Variants in AHCYL2 observed in about 807,000 individuals in gnomAD.
The protein encoded by AHCYL2 is S-adenosylhomocysteine hydrolase-like protein 2.
Under a neutral mutation model 81.4 loss-of-function variants are expected in AHCYL2, and 28 were observed. That is an observed-to-expected ratio of 0.34 (90% CI 0.25 to 0.47). AHCYL2 has a LOEUF of 0.47. AHCYL2 is among the 20% of genes least tolerant of loss of function. AHCYL2 has a pLI of 1.00. For synonymous variants in AHCYL2, 272 were observed against 290.2 expected, an observed-to-expected ratio of 0.94 and a Z score of 0.64; for missense variants, 551 against 785.1, an observed-to-expected ratio of 0.70 and a Z score of 3.56.
intron 2 of AHCYL2, chr7:129,388,257 C>T (rs897813891): frequency 2.6e-5 from 4 of 152,138 alleles, no homozygotes; most frequent in Non-Finnish European, 5.9e-5. Context: ...TTAGTAACTA[C>T]AGAATCCTAT....
intron 1 of AHCYL2, among the ~76,000 whole-genome samples, chr7:129,288,128 A>C (rs1796703339): frequency 1.3e-5 from 2 of 152,186 alleles, no homozygotes; most frequent in Admixed American, 6.5e-5. Context: ...GTATGTTTGA[A>C]TCAGGATACA....
intron 1 of AHCYL2, among the ~76,000 whole-genome samples, chr7:129,287,530 T>C (rs931537906): frequency 2.6e-5 from 4 of 152,240 alleles, no homozygotes; most frequent in Non-Finnish European, 5.9e-5. Context: ...AAGTAGTTGT[T>C]GTTCAGTGTT....
chr7:129,311,315 A>G (rs1797649534), intron 1 of AHCYL2, among the ~76,000 whole-genome samples: 1 of 152,190 alleles, frequency 6.6e-6, no homozygotes, highest in Non-Finnish European at 1.5e-5. Flanking sequence ...TAAGAGACCT[A>G]TTAATATGGG....
intron 2 of AHCYL2, among the ~76,000 whole-genome samples, chr7:129,381,099 ACT>A (rs1205742435): frequency 2.0e-5 from 3 of 152,284 alleles, no homozygotes; most frequent in Admixed American, 2.0e-4. Context: ...GGTTAATGTA[ACT>A]CTGGAAACCA....
intron 4 of AHCYL2, 95 bp from the exon 5 acceptor site, chr7:129,397,127 C>T (rs1026384029): frequency 1.2e-5 from 13 of 1,046,032 alleles, no homozygotes; most frequent in African/African-American, 6.4e-5. Flanking sequence ...AAGTCATTCC[C>T]GTTGTATTTT....
intron 1 of AHCYL2, among the ~76,000 whole-genome samples, chr7:129,285,696 CTTTTT>C (rs71526096): frequency 1.1e-4 from 11 of 100,582 alleles, no homozygotes; most frequent in Non-Finnish European, 1.6e-4. Context: ...CTCTCTCTCT[CTTTTT>C]TTTTTTTTTT....
intron 1 of AHCYL2, among the ~76,000 whole-genome samples, chr7:129,339,736 G>A (rs1793095523): frequency 6.6e-6 from 1 of 151,444 alleles, no homozygotes; most frequent in Non-Finnish European, 1.5e-5. Flanking sequence ...TTGCTTTGTT[G>A]CCCAAGCTGG....
chr7:129,415,037 G>T (rs1796777372), intron 12 of AHCYL2, among the ~76,000 whole-genome samples: 1 of 152,008 alleles, frequency 6.6e-6, no homozygotes, highest in African/African-American at 2.4e-5. Context: ...TCTACCCTGG[G>T]GTGTCTGAGT....
intron 1 of AHCYL2, among the ~76,000 whole-genome samples, chr7:129,277,976 G>A (rs1470369241): frequency 1.3e-5 from 2 of 152,078 alleles, no homozygotes; most frequent in African/African-American, 2.4e-5. Context: ...ATAAGTGTAC[G>A]GTTTAATTTT....
chr7:129,380,483 T>C (rs73234736), intron 2 of AHCYL2, among the ~76,000 whole-genome samples: 4,210 of 152,318 alleles, frequency 0.028, 92 homozygotes, highest in Non-Finnish European at 0.041. Context: ...TAAATAGTAA[T>C]ATTCATTAGA....
intron 1 of AHCYL2, among the ~76,000 whole-genome samples, chr7:129,254,293 CAGAA>C (rs1795336902): frequency 6.6e-6 from 1 of 152,040 alleles, no homozygotes. Context: ...CATTAATGGA[CAGAA>C]AGAAGAAAAG....
chr7:129,241,056 CTG>C (rs747974280), intron 1 of AHCYL2, among the ~76,000 whole-genome samples: 47 of 152,062 alleles, frequency 3.1e-4, no homozygotes, highest in Non-Finnish European at 6.2e-4. Flanking sequence ...AGAGAGAACA[CTG>C]AAACTACATA....
intron 1 of AHCYL2, among the ~76,000 whole-genome samples, chr7:129,319,468 A>G (rs1430526495): frequency 6.6e-6 from 1 of 152,090 alleles, no homozygotes; most frequent in Non-Finnish European, 1.5e-5. Context: ...AAAAGAAAAA[A>G]GAAAATAATC....
At chr7:129,253,085 G>A (rs1250208991) in intron 1 of AHCYL2, among the ~76,000 whole-genome samples, 1 of 152,000 alleles carries the variant, frequency 6.6e-6, no homozygotes, top group African/African-American at 2.4e-5. Context: ...GCGGGCGCCT[G>A]TAATCCAAGC....
chr7:129,362,598 T>G (rs1041418890), intron 1 of AHCYL2, among the ~76,000 whole-genome samples: 3 of 38,052 alleles, frequency 7.9e-5, no homozygotes, highest in East Asian at 9.3e-4. Flanking sequence ...GGTTTTCTTG[T>G]TTTTTTTTTT....
Position 129,393,708 on chromosome 7 carries a change from A to G in AHCYL2, c.721-3514A>G, listed in dbSNP as rs1795576904. ...TTGAACATTTCCTTGCTTTTGGTACAAGATCACCTAAGCTCATCTTGAACA... is the reference window on the plus strand; with the variant it reads ...TTGAACATTTCCTTGCTTTTGGTACGAGATCACCTAAGCTCATCTTGAACA... On this transcript the variant is annotated intron_variant, in intron 4 of 16. Transcript: ENST00000325006. Among the ~76,000 whole-genome samples, 3 of 152,130 alleles carry G rather than the reference A, an allele frequency of 2.0e-5. No individual in the cohort carries two copies. The South Asian group carries it at 6.2e-4, about 32-fold the overall frequency.
intron 1 of AHCYL2, among the ~76,000 whole-genome samples, chr7:129,244,947 A>C (rs1794993350): frequency 6.6e-6 from 1 of 152,136 alleles, no homozygotes; most frequent in Non-Finnish European, 1.5e-5. Flanking sequence ...TATTTTAAAC[A>C]GCAAGAGGTA....
chr7:129,322,420 G>GTGAGC (rs10682674), intron 1 of AHCYL2, among the ~76,000 whole-genome samples: 13,747 of 152,156 alleles, frequency 0.09, 1,196 homozygotes, highest in African/African-American at 0.24. Flanking sequence ...GATTACAGGC[G>GTGAGC]CACTGCGCCC....
intron 1 of AHCYL2, among the ~76,000 whole-genome samples, chr7:129,376,193 A>G (rs183924996): frequency 2.0e-5 from 3 of 152,252 alleles, no homozygotes; most frequent in African/African-American, 7.2e-5. Flanking sequence ...AGAATCTACT[A>G]AGGTACCACA....
Sources: allele counts gnomAD v4.1 joint callset (sites outside exome capture counted in the v4.1 genomes callset), GRCh38; gene constraint gnomAD v4.1.1; transcripts MANE v1.5; gene names NCBI Gene and HGNC (gene_info 2026-07-23, HGNC 2026-07-21).